Variants in TDRD3 observed in about 807,000 individuals in gnomAD.
TDRD3 encodes tudor domain containing 3.
A neutral mutation model predicts 86.7 loss-of-function variants in TDRD3; 45 were observed. That is an observed-to-expected ratio of 0.52 (90% CI 0.41 to 0.67). TDRD3 has a LOEUF of 0.67. TDRD3 is among the 30% of genes least tolerant of loss of function. TDRD3 has a pLI of 0.00. For missense variants in TDRD3, 814 were observed against 889.0 expected (o/e 0.92, Z 1.07); for synonymous variants, 298 against 301.7 (o/e 0.99, Z 0.13).
At chr13:60,431,004 A>T (rs1370939906) in intron 1 of TDRD3, among the ~76,000 whole-genome samples, 1 of 152,210 alleles carries the variant, frequency 6.6e-6, no homozygotes, top group East Asian at 1.9e-4. Flanking sequence ...ATTTTTATAA[A>T]ATCATCTATT....
chr13:60,406,440 A>C (rs1267950999), intron 1 of TDRD3, among the ~76,000 whole-genome samples: 4 of 152,236 alleles, frequency 2.6e-5, no homozygotes, highest in Non-Finnish European at 5.9e-5. Flanking sequence ...TAAAATAATT[A>C]TTAAATTAAT....
At position 60,458,897 on chromosome 13, in the gene TDRD3, T is replaced by A. The variant is rs113443113; in HGVS notation, c.193-1483T>A. On this transcript the variant is annotated intron_variant, in intron 3 of 13. Transcript: ENST00000377881. ...ATTATGAGCTATAATAACCATAACATGCCTGTGATTTAATTTAAATGTCCT... is the reference window on the plus strand; with the variant it reads ...ATTATGAGCTATAATAACCATAACAAGCCTGTGATTTAATTTAAATGTCCT... Among the ~76,000 whole-genome samples the A allele has an allele frequency of 3.4e-3, 515 of 152,336 alleles. 4 individuals carry two copies. Among genetic ancestry groups the A allele is most frequent in the African/African-American group, 0.012 (491 of 41,580 alleles).
chr13:60,529,189 G>A lies in TDRD3; in HGVS notation c.1964G>A (p.Cys655Tyr). 6.2e-7 allele frequency: 1 copy of A among 1,603,926 alleles called. No individual in the cohort carries two copies. Among genetic ancestry groups the A allele is most frequent in the Admixed American group, 1.7e-5 (1 of 58,082 alleles). ...YAKMWKPGDE[C>Y]FALYWEDNKF... ...AAAATGTGGAAACCTGGAGATGAATGTTTTGCACTTTATTGGGAAGACAAC... is the reference window on the plus strand; with the variant it reads ...AAAATGTGGAAACCTGGAGATGAATATTTTGCACTTTATTGGGAAGACAAC... The change falls in exon 11 of 14, where the codon TGT becomes TAT. Residue 655 changes from cysteine (C) to tyrosine (Y), a missense_variant. Physicochemically the swap from Cys to Tyr is radical, Grantham distance 194. Coordinates refer to ENST00000377881, the MANE Select transcript of TDRD3 (RefSeq NM_001146070.2).
intron 8 of TDRD3, among the ~76,000 whole-genome samples, chr13:60,498,740 C>A (rs1028784432): frequency 1.2e-4 from 19 of 152,120 alleles, no homozygotes; most frequent in African/African-American, 2.9e-4. Context: ...CCCAAGGAGA[C>A]CTCCGGCCTT....
intron 1 of TDRD3, among the ~76,000 whole-genome samples, chr13:60,435,918 G>GTTTTTTTTTTTTTTTTT (rs767705603): frequency 9.8e-4 from 122 of 124,712 alleles, no homozygotes; most frequent in African/African-American, 2.8e-3. Context: ...AACATCTATG[G>GTTTTTTTTTTTTTTTTT]TTTTTTTTTT....
chr13:60,505,291 G>A (rs1390751372), intron 8 of TDRD3, among the ~76,000 whole-genome samples: 1 of 152,220 alleles, frequency 6.6e-6, no homozygotes, highest in Non-Finnish European at 1.5e-5. Flanking sequence ...TTAGTAGGCA[G>A]TTTTCCCCTC....
At position 60,542,313 on chromosome 13, in the gene TDRD3, T is replaced by C. The variant is rs184437988; in HGVS notation, c.2118+7080T>C. 4.2e-3 allele frequency among the ~76,000 whole-genome samples: 639 copies of C among 152,328 alleles called. 3 individuals carry two copies. The highest frequency in any genetic ancestry group is 7.0e-3 in the Non-Finnish European group (479 of 68,032). On this transcript the variant is annotated intron_variant, in intron 12 of 13. Coordinates refer to ENST00000377881, the MANE Select transcript of TDRD3 (RefSeq NM_001146070.2). ...AATAAAGTAGTAAAATAAGTGGATC[T>C]GAAGGATATTTTTGTTTTGTCTTAT...
intron 1 of TDRD3, among the ~76,000 whole-genome samples, chr13:60,406,828 C>G (rs1469757414): frequency 6.6e-6 from 1 of 152,090 alleles, no homozygotes; most frequent in Non-Finnish European, 1.5e-5. Flanking sequence ...TTAAAAAATT[C>G]CCCACAATCT....
chr13:60,474,338 G>C (rs1455723470), intron 5 of TDRD3, among the ~76,000 whole-genome samples: 2 of 152,168 alleles, frequency 1.3e-5, no homozygotes, highest in African/African-American at 2.4e-5. Flanking sequence ...GGCATTCGGG[G>C]TCACTACCGG....
At position 60,528,956 on chromosome 13, in the gene TDRD3, A is replaced by G. The variant is rs373987771; in HGVS notation, c.1731A>G (p.Pro577=). ...ATGTAAATACTGATTATCAGAATCC[A>G]GTTCGAAGTAATAGTTTCATTGGTG... is the stretch of plus-strand genomic sequence containing the variant. ...HFNVNTDYQN[P]VRSNSFIGVP... Residue 577 remains proline, a synonymous_variant, in exon 11 of 14, where the codon CCA becomes CCG. Transcript: ENST00000377881. 20 of 1,613,934 alleles carry G rather than the reference A, an allele frequency of 1.2e-5. No homozygotes were observed. Among genetic ancestry groups the G allele is most frequent in the Non-Finnish European group, 1.7e-5 (20 of 1,179,978 alleles).
chr13:60,454,087 A>G (rs187241244), intron 3 of TDRD3, among the ~76,000 whole-genome samples: 16 of 152,218 alleles, frequency 1.1e-4, no homozygotes, highest in East Asian at 5.8e-4. Flanking sequence ...ATATTTTTCA[A>G]TTAACCTTAT....
chr13:60,506,573 A>G (rs914801228), intron 8 of TDRD3, among the ~76,000 whole-genome samples: 12 of 152,158 alleles, frequency 7.9e-5, no homozygotes, highest in Admixed American at 2.6e-4. Flanking sequence ...CCTGGCTAAC[A>G]TGGTGAAAGC....
At chr13:60,497,336 A>G (rs559950395) in intron 8 of TDRD3, among the ~76,000 whole-genome samples, 1 of 152,128 alleles carries the variant, frequency 6.6e-6, no homozygotes, top group South Asian at 2.1e-4. Context: ...CTGGGTTTAG[A>G]TCCCGATCAT....
intron 4 of TDRD3, among the ~76,000 whole-genome samples, chr13:60,463,372 A>AG (rs1436955795): frequency 6.6e-6 from 1 of 151,680 alleles, no homozygotes; most frequent in Non-Finnish European, 1.5e-5. Flanking sequence ...CAAAAAAAAA[A>AG]AAAAAAAAAA....
chr13:60,535,124 T>C lies in TDRD3; in HGVS notation c.2009T>C (p.Val670Ala). The change falls in exon 12 of 14, where the codon GTT (valine) becomes GCT (alanine). Residue 670 changes from valine (V) to alanine (A), a missense_variant. Physicochemically the swap from Val to Ala is moderately conservative, Grantham distance 64. Coordinates refer to ENST00000377881, the MANE Select transcript of TDRD3 (RefSeq NM_001146070.2). Reference protein sequence around the residue: ...WEDNKFYRAEVEALHSSGMTA... With the variant: ...WEDNKFYRAEAEALHSSGMTA... ...CCTCCTCAGTTTTACCGGGCAGAAG[T>C]TGAAGCCCTCCATTCTTCGGGTATG... is the stretch of plus-strand genomic sequence containing the variant. 6.2e-7 allele frequency: 1 copy of C among 1,613,832 alleles called. No homozygotes were observed. Among genetic ancestry groups the C allele is most frequent in the East Asian group, 2.2e-5 (1 of 44,864 alleles).
intron 12 of TDRD3, among the ~76,000 whole-genome samples, chr13:60,553,661 C>G (rs12585903): frequency 0.14 from 20,805 of 151,940 alleles, 1,680 homozygotes; most frequent in South Asian, 0.2. Context: ...GCACCTTCTT[C>G]ACAAGGTTGC....
chr13:60,519,130 CAT>C (rs1167539836), intron 10 of TDRD3, among the ~76,000 whole-genome samples: 2 of 152,084 alleles, frequency 1.3e-5, no homozygotes, highest in Non-Finnish European at 2.9e-5. Context: ...TACTAGAACA[CAT>C]GAGCCTCTTT....
At chr13:60,503,475 A>G (rs1442260045) in intron 8 of TDRD3, among the ~76,000 whole-genome samples, 2 of 152,234 alleles carry the variant, frequency 1.3e-5, no homozygotes, top group Non-Finnish European at 2.9e-5. Context: ...TAGAAATTCC[A>G]TACAATATTG....
At chr13:60,426,506 C>T (rs1347827349) in intron 1 of TDRD3, among the ~76,000 whole-genome samples, 1 of 152,100 alleles carries the variant, frequency 6.6e-6, no homozygotes, top group Non-Finnish European at 1.5e-5. Context: ...TATATGTATC[C>T]TGTAACATCA....
Sources: gnomAD v4.1 joint callset for allele counts (sites outside exome capture counted in the v4.1 genomes callset) on GRCh38, gnomAD v4.1.1 for gene constraint, MANE v1.5 for transcripts, NCBI Gene and HGNC (gene_info 2026-07-23, HGNC 2026-07-21) for gene names.